Variants in BTBD17 observed in about 807,000 individuals in gnomAD.
The protein encoded by BTBD17 is BTB/POZ domain-containing protein 17.
A neutral mutation model predicts 36.9 loss-of-function variants in BTBD17; 26 were observed. The observed-to-expected ratio is 0.70, with a 90% CI of 0.52 to 0.98. The LOEUF (loss-of-function observed/expected upper bound fraction) is 0.98, where lower values mean the gene tolerates loss of function less well. BTBD17 is among the 50% of genes least tolerant of loss of function. The probability of loss-of-function intolerance (pLI) is 0.00; values close to 1 mark genes in which losing one functional copy is unlikely to be tolerated. For synonymous variants in BTBD17, 341 were observed against 338.0 expected (o/e 1.01, Z -0.10); for missense variants, 630 against 691.3 (o/e 0.91, Z 0.99).
intron 2 of BTBD17, 133 bp downstream of exon 2, chr17:74,359,836 A>T: frequency 1.2e-6 from 1 of 847,956 alleles, no homozygotes; most frequent in Non-Finnish European, 1.8e-6. Flanking sequence ...TGCAGGGGTC[A>T]CTGTCATCCC....
chr17:74,357,501 G>A lies in BTBD17; in HGVS notation c.593C>T (p.Ala198Val), dbSNP rs1421441483. The A allele has an allele frequency of 6.4e-7, 1 of 1,566,382 alleles. No homozygotes were observed. The highest frequency in any genetic ancestry group is 1.8e-5 in the Admixed American group (1 of 55,540). ...GCCCCACTCGGTGCTGGCCGCCACG[G>A]CCGACAGGTTCCAGGCCAGGAACTG... ...CLQFLAWNLS[A>V]VAASTEWGAV... The change falls in exon 3 of 3, where the codon GCC becomes GTC. Residue 198 changes from alanine (A) to valine (V), a missense_variant. Transcript: ENST00000375366. This position sits in a 1 kb window ranked among gnomAD's most constrained non-coding sequence, Gnocchi z 8.4.
At chr17:74,359,747 G>T (rs1354154910) in intron 2 of BTBD17, among the ~76,000 whole-genome samples, 1 of 152,186 alleles carries the variant, frequency 6.6e-6, no homozygotes. Context: ...CTCTGAGGGG[G>T]TTACTAGGAA....
rs1398744232 is a variant in BTBD17 at position 74,361,203 on chromosome 17, A to G, written c.85+532T>C. 5.9e-5 allele frequency among the ~76,000 whole-genome samples: 9 copies of G among 152,346 alleles called. No individual in the cohort carries two copies. In the East Asian group the frequency reaches 1.7e-3, roughly 29 times the overall value. On this transcript the variant is annotated intron_variant, in intron 1 of 2. Transcript: ENST00000375366. ...GACAGTCAGATGGGGATATGCACTC[A>G]GTTATAGAAACTGTCAGCAGCTTTC...
Position 74,357,475 on chromosome 17 carries a change from C to A in BTBD17, c.619G>T (p.Ala207Ser). 3 of 1,573,554 alleles carry A rather than the reference C, an allele frequency of 1.9e-6. No homozygotes were observed. In the Admixed American group the frequency reaches 5.3e-5, roughly 28 times the overall value. Residue 207 changes from alanine to serine, a missense_variant, in exon 3 of 3, where the codon GCC becomes TCC. By Grantham distance (99) the Ala-to-Ser change is moderately conservative. Transcript: ENST00000375366. The surrounding 1 kb of genome is among the most constrained non-coding windows in gnomAD (Gnocchi z 8.4). ...TGCCAGAGCAGCTCGGGGCTCACGG[C>A]GCCCCACTCGGTGCTGGCCGCCACG... is the stretch of plus-strand genomic sequence containing the variant. ...SAVAASTEWG[A>S]VSPELLWQLL...
chr17:74,359,364 T>TTGG (rs1567931739), intron 2 of BTBD17, among the ~76,000 whole-genome samples: 27 of 151,502 alleles, frequency 1.8e-4, no homozygotes, highest in African/African-American at 3.9e-4. Context: ...TGTTTGTTTG[T>TTGG]TTGGTTGGTT....
Position 74,356,730 on chromosome 17 carries a change from A to T in BTBD17, c.1364T>A (p.Leu455Gln). ...GTGCAGGTGCAGGGCGTTCTCAACC[A>T]GGTACTCGGAGTTGCGCCGCTGCAG... The part of the protein sequence containing the change: ...ADLQRRNSEY[L>Q]VENALHLHLI... The change falls in exon 3 of 3, where the codon CTG (leucine) becomes CAG (glutamine). Residue 455 changes from leucine (L) to glutamine (Q), a missense_variant. Physicochemically the swap from Leu to Gln is moderately radical, Grantham distance 113. Transcript: ENST00000375366. The surrounding 1 kb of genome is among the most constrained non-coding windows in gnomAD (Gnocchi z 4.3). The T allele has an allele frequency of 6.2e-7, 1 of 1,600,076 alleles. No individual in the cohort carries two copies. Among genetic ancestry groups the T allele is most frequent in the Non-Finnish European group, 8.5e-7 (1 of 1,174,142 alleles).
intron 2 of BTBD17, among the ~76,000 whole-genome samples, chr17:74,358,670 GT>G (rs2054915039): frequency 6.6e-6 from 1 of 151,812 alleles, no homozygotes; most frequent in Non-Finnish European, 1.5e-5. Flanking sequence ...CTTCTGCTGA[GT>G]ATCTCTTCGT....
Position 74,360,185 on chromosome 17 carries a change from A to C in BTBD17, c.146T>G (p.Val49Gly), listed in dbSNP as rs1598406851. ...AGTSINHSQA[V>G]LQRLQELLRQ... ...CAGCAGCTCCTGCAAGCGCTGGAGCACCGCCTGGGAGTGGTTGATGGAGGT... is the reference window on the plus strand; with the variant it reads ...CAGCAGCTCCTGCAAGCGCTGGAGCCCCGCCTGGGAGTGGTTGATGGAGGT... Residue 49 changes from valine (V) to glycine (G), a missense_variant, in exon 2 of 3, where the codon GTG becomes GGG. Physicochemically the swap from Val to Gly is moderately radical, Grantham distance 109. Coordinates refer to ENST00000375366, the MANE Select transcript of BTBD17 (RefSeq NM_001080466.2). 6.2e-7 allele frequency: 1 copy of C among 1,611,600 alleles called. No individual in the cohort carries two copies. The highest frequency in any genetic ancestry group is 1.1e-5 in the South Asian group (1 of 90,948).
chr17:74,360,040 C>T lies in BTBD17; in HGVS notation c.291G>A (p.Leu97=). The change falls in exon 2 of 3, where the codon CTG becomes CTA. Residue 97 remains leucine (L), a synonymous_variant. Coordinates refer to ENST00000375366, the MANE Select transcript of BTBD17 (RefSeq NM_001080466.2). Reference sequence around the variant, plus strand: ...GCACCGCCTCGCTCTGGTTACTTAGCAGCTCCAGGAACAGCTCACTGTGCA... The same window carrying T: ...GCACCGCCTCGCTCTGGTTACTTAGTAGCTCCAGGAACAGCTCACTGTGCA... ...LGLHSELFLE[L]LSNQSEAVLQ... 2 of 1,612,982 alleles carry T rather than the reference C, an allele frequency of 1.2e-6. No homozygotes were observed. The highest frequency in any genetic ancestry group is 1.7e-6 in the Non-Finnish European group (2 of 1,180,034).
At chr17:74,363,052 G>T (rs1386746500), upstream of BTBD17, among the ~76,000 whole-genome samples, 1 of 152,004 alleles carries the variant, frequency 6.6e-6, no homozygotes, top group Non-Finnish European at 1.5e-5. Flanking sequence ...CCAGTTCTTC[G>T]TGGGAGGGAC....
In BTBD17 at chr17:74,357,259, C is replaced by T. The variant is rs780686565; in HGVS notation, c.835G>A (p.Gly279Ser). 9.6e-6 allele frequency: 15 copies of T among 1,560,802 alleles called. No homozygotes were observed. The highest frequency in any genetic ancestry group is 3.5e-5 in the South Asian group (3 of 85,220). Residue 279 changes from glycine to serine, a missense_variant, in exon 3 of 3, where the codon GGC becomes AGC. Transcript: ENST00000375366. The surrounding 1 kb of genome is among the most constrained non-coding windows in gnomAD (Gnocchi z 8.4). ...AGCAGGAGGTCGGCCACCGCGGGGCCGTGGCGCGCCAGGGCTGCCGAGCGC... is the reference window on the plus strand; with the variant it reads ...AGCAGGAGGTCGGCCACCGCGGGGCTGTGGCGCGCCAGGGCTGCCGAGCGC... The part of the protein sequence containing the change: ...QARSAALARH[G>S]PAVADLLLQA...
At position 74,356,884 on chromosome 17, in the gene BTBD17, C is replaced by G. The variant is rs776623014; in HGVS notation, c.1210G>C (p.Ala404Pro). Residue 404 changes from alanine (A) to proline (P), a missense_variant, in exon 3 of 3, where the codon GCG (alanine) becomes CCG (proline). Transcript: ENST00000375366. This position sits in a 1 kb window ranked among gnomAD's most constrained non-coding sequence, Gnocchi z 4.3. ...GTCTTCTGGAAGCTCACGCCCGCCG[C>G]GTCGCCGCCGCTGCTGGCCGGCGTC... ...VVTPASSGGD[A>P]AGVSFQKTVL... 2.7e-6 allele frequency: 4 copies of G among 1,486,544 alleles called. No homozygotes were observed. The highest frequency in any genetic ancestry group is 3.5e-6 in the Non-Finnish European group (4 of 1,128,010). The allele number at this position is 1,486,544 out of a possible 1,614,324, so 92.1% of individuals were successfully genotyped here. A position where few individuals can be genotyped will look rare whatever the true frequency, so the allele number is the denominator to read the frequency against.
intron 2 of BTBD17, 60 bp downstream of exon 2, chr17:74,359,909 G>A: frequency 1.3e-6 from 2 of 1,548,592 alleles, no homozygotes; most frequent in South Asian, 1.2e-5. Context: ...GACCCTGTAG[G>A]TGGAGGAGCC....
intron 1 of BTBD17, 117 bp downstream of exon 1, chr17:74,361,618 C>T: frequency 1.3e-6 from 1 of 763,106 alleles, no homozygotes; most frequent in Non-Finnish European, 2.1e-6. Flanking sequence ...CTGTCCGGTC[C>T]ACCCCGTGCT....
intron 2 of BTBD17, among the ~76,000 whole-genome samples, chr17:74,359,263 TAAATA>T (rs374766006): frequency 5.3e-4 from 80 of 152,208 alleles, no homozygotes; most frequent in African/African-American, 1.8e-3. Flanking sequence ...AAAAAGTAAA[TAAATA>T]AAATAAAATA....
chr17:74,362,960 G>A (rs529656375), upstream of BTBD17, among the ~76,000 whole-genome samples: 4 of 108,978 alleles, frequency 3.7e-5, no homozygotes, highest in East Asian at 2.9e-4. Context: ...GCAAAAGCGC[G>A]CGCGCATGTG....
At chr17:74,359,319 A>G (rs7224401) in intron 2 of BTBD17, among the ~76,000 whole-genome samples, 141,149 of 152,224 alleles carry the variant, frequency 0.93, 65,779 homozygotes, top group Non-Finnish European at 0.98. Context: ...TGAAACTGAC[A>G]ATCCAGGTTG....
chr17:74,359,364 T>G (rs9896497), intron 2 of BTBD17, among the ~76,000 whole-genome samples: 17,802 of 151,412 alleles, frequency 0.12, 1,312 homozygotes, highest in African/African-American at 0.21. Context: ...TGTTTGTTTG[T>G]TTGGTTGGTT....
rs770220692 is a variant in BTBD17, at chr17:74,356,689, C to T, written c.1405G>A (p.Val469Ile). 9 of 1,572,498 alleles carry T rather than the reference C, an allele frequency of 5.7e-6. No individual in the cohort carries two copies. In the Admixed American group the frequency reaches 1.3e-4, roughly 22 times the overall value. ...ALHLHLIVKPVYHTLIRTPK is the reference protein window; with the variant it reads ...ALHLHLIVKPIYHTLIRTPK ...GGGGTCCGGATAAGGGTGTGGTATA[C>T]GGGCTTGACGATGAGGTGCAGGTGC... The change falls in exon 3 of 3, where the codon GTA becomes ATA. Residue 469 changes from valine (V) to isoleucine (I), a missense_variant. Val to Ile is a conservative substitution (Grantham distance 29). Transcript: ENST00000375366. This position sits in a 1 kb window ranked among gnomAD's most constrained non-coding sequence, Gnocchi z 4.3.
Sources: gnomAD v4.1 joint callset for allele counts (sites outside exome capture counted in the v4.1 genomes callset) on GRCh38, gnomAD v4.1.1 for gene constraint, Gnocchi (gnomAD v3.1) non-coding constraint, MANE v1.5 for transcripts, NCBI Gene and HGNC (gene_info 2026-07-23, HGNC 2026-07-21) for gene names.